MBNL1: variants seen among roughly 807,000 people sequenced by gnomAD.
The protein encoded by MBNL1 is muscleblind like splicing regulator 1, also known as muscleblind-like protein 1.
MBNL1 carries 8 observed loss-of-function variants against 42.2 expected under a neutral mutation model. The observed-to-expected ratio is 0.19, with a 90% CI of 0.11 to 0.34. MBNL1 has a LOEUF of 0.34. Among genes scored for constraint, MBNL1 ranks in the 10% least tolerant of loss-of-function variants. The pLI is 1.00. For missense variants in MBNL1, 309 were observed against 495.3 expected, an observed-to-expected ratio of 0.62 and a Z score of 3.57; for synonymous variants, 169 against 173.9, an observed-to-expected ratio of 0.97 and a Z score of 0.22.
chr3:152,367,100 C>A (rs1184587579), intron 2 of MBNL1, among the ~76,000 whole-genome samples: 1 of 152,098 alleles, frequency 6.6e-6, no homozygotes, highest in African/African-American at 2.4e-5. Flanking sequence ...AGGTTTGTTA[C>A]ACGTGCCATG....
chr3:152,348,354 A>G (rs1305501742), intron 2 of MBNL1, among the ~76,000 whole-genome samples: 2 of 152,166 alleles, frequency 1.3e-5, no homozygotes, highest in Admixed American at 1.3e-4. Flanking sequence ...GAGTGAGTGA[A>G]TAAGTGAACA....
intron 2 of MBNL1, among the ~76,000 whole-genome samples, chr3:152,359,212 TAGTA>T (rs2095760026): frequency 1.3e-5 from 2 of 152,246 alleles, no homozygotes; most frequent in South Asian, 4.1e-4. Context: ...TATTTTGACC[TAGTA>T]AGTTTCAAGT....
At chr3:152,363,330 A>G (rs138269193) in intron 2 of MBNL1, among the ~76,000 whole-genome samples, 407 of 152,258 alleles carry the variant, frequency 2.7e-3, no homozygotes, top group African/African-American at 9.5e-3. Flanking sequence ...TCTTTGTTTT[A>G]AAATGTTGTT....
intron 9 of MBNL1, 121 bp downstream of exon 9, chr3:152,459,466 A>T (rs965132854): frequency 6.9e-6 from 3 of 432,318 alleles, no homozygotes; most frequent in Non-Finnish European, 1.3e-5. Flanking sequence ...TCACATTTTT[A>T]TCTTAAATGG....
chr3:152,389,965 T>C (rs968114867), intron 2 of MBNL1, among the ~76,000 whole-genome samples: 2 of 151,980 alleles, frequency 1.3e-5, no homozygotes, highest in African/African-American at 4.8e-5. Flanking sequence ...AACATATGCC[T>C]CCCGGGTTCA....
chr3:152,253,215 C>T (rs994173037), intron 2 of MBNL1, among the ~76,000 whole-genome samples: 7 of 152,114 alleles, frequency 4.6e-5, no homozygotes, highest in Admixed American at 4.6e-4. Context: ...TCTGTCTGCT[C>T]CATCACCAGT....
chr3:152,402,878 A>G (rs2098285919), intron 2 of MBNL1, among the ~76,000 whole-genome samples: 2 of 152,174 alleles, frequency 1.3e-5, no homozygotes. Context: ...TCTTGGCCTG[A>G]TATAGACTGT....
intron 2 of MBNL1, 24 bp from the exon 3 acceptor site, chr3:152,414,917 T>A (rs1405309368): frequency 6.2e-7 from 1 of 1,606,976 alleles, no homozygotes; most frequent in Non-Finnish European, 8.5e-7. Flanking sequence ...TCTAAGATGA[T>A]GTTTGCTGCT....
At chr3:152,320,463 G>C (rs1199498241) in intron 2 of MBNL1, among the ~76,000 whole-genome samples, 1 of 152,144 alleles carries the variant, frequency 6.6e-6, no homozygotes, top group Non-Finnish European at 1.5e-5. Context: ...CAGGCTTCCT[G>C]ATATGATAGC....
chr3:152,413,418 G>A (rs928853254), intron 2 of MBNL1, among the ~76,000 whole-genome samples: 6 of 152,210 alleles, frequency 3.9e-5, no homozygotes, highest in African/African-American at 1.2e-4. Flanking sequence ...TGCATTTGAT[G>A]AGTAAGAGAG....
At chr3:152,370,062 G>A (rs995487902) in intron 2 of MBNL1, among the ~76,000 whole-genome samples, 2 of 151,946 alleles carry the variant, frequency 1.3e-5, no homozygotes, top group Non-Finnish European at 2.9e-5. Context: ...TTTTGAATTT[G>A]TTTGCCCTTG....
intron 2 of MBNL1, among the ~76,000 whole-genome samples, chr3:152,413,799 T>C (rs1372458211): frequency 6.6e-6 from 1 of 152,234 alleles, no homozygotes; most frequent in African/African-American, 2.4e-5. Flanking sequence ...AGGTGGTTGA[T>C]GAGATCTGCT....
chr3:152,455,757 T>G (rs1732401570), intron 7 of MBNL1, among the ~76,000 whole-genome samples, 180 bp downstream of exon 7: 1 of 152,244 alleles, frequency 6.6e-6, no homozygotes, highest in South Asian at 2.1e-4. Flanking sequence ...GTGTTTTCTT[T>G]ACACACAACA....
intron 1 of MBNL1, among the ~76,000 whole-genome samples, chr3:152,285,295 A>G (rs2050910781): frequency 6.6e-6 from 1 of 152,222 alleles, no homozygotes; most frequent in Admixed American, 6.5e-5. Context: ...TTAAATTGCT[A>G]GCATGTATCG....
intron 2 of MBNL1, among the ~76,000 whole-genome samples, chr3:152,402,787 A>C (rs1259890624): frequency 6.6e-6 from 1 of 152,182 alleles, no homozygotes; most frequent in African/African-American, 2.4e-5. Flanking sequence ...GGAATGTTTG[A>C]GAGCTGTTTT....
chr3:152,342,623 G>A (rs970502620), intron 2 of MBNL1, among the ~76,000 whole-genome samples: 9 of 149,786 alleles, frequency 6.0e-5, no homozygotes, highest in African/African-American at 1.2e-4. Context: ...AGCAAAACTC[G>A]TGCTCTTTCT....
chr3:152,269,138 G>C (rs1034802660), intron 1 of MBNL1, 46 bp downstream of exon 1: 1 of 440,252 alleles, frequency 2.3e-6, no homozygotes, highest in African/African-American at 2.0e-5. Flanking sequence ...TCATTGTTCG[G>C]ACTCCGGCGG....
At chr3:152,280,160 GA>G in intron 1 of MBNL1, among the ~76,000 whole-genome samples, 1 of 152,238 alleles carries the variant, frequency 6.6e-6, no homozygotes, top group African/African-American at 2.4e-5. Context: ...GGAGGAAAAA[GA>G]GGTAAGATGT....
upstream of MBNL1, among the ~76,000 whole-genome samples, chr3:152,243,649 C>A (rs755481315): frequency 5.9e-5 from 9 of 151,292 alleles, no homozygotes; most frequent in Non-Finnish European, 1.2e-4. Context: ...ACTTCAAAGA[C>A]TTTAAATTAA....
Sources: gnomAD v4.1 joint callset for allele counts (sites outside exome capture counted in the v4.1 genomes callset) on GRCh38, gnomAD v4.1.1 for gene constraint, MANE v1.5 for transcripts, NCBI Gene and HGNC (gene_info 2026-07-23, HGNC 2026-07-21) for gene names.